The following ABCA13 variants were observed in gnomAD, a reference collection of about 807,000 sequenced individuals.
ABCA13 encodes the protein ATP-binding cassette sub-family A member 13.
Under a neutral mutation model 478.7 loss-of-function variants are expected in ABCA13, and 476 were observed. That is an observed-to-expected ratio of 0.99 (90% CI 0.92 to 1.07). The LOEUF is 1.07. ABCA13 is among the 50% of genes least tolerant of loss of function. The pLI, the probability that ABCA13 is intolerant of heterozygous loss-of-function variation, is 0.00. For missense variants in ABCA13, 6,060 were observed against 5,910.6 expected, an observed-to-expected ratio of 1.03 and a Z score of -0.83; for synonymous variants, 2,252 against 2,158.9, an observed-to-expected ratio of 1.04 and a Z score of -1.20.
chr7:48,403,742 G>C lies in ABCA13; in HGVS notation c.11933G>C (p.Gly3978Ala), dbSNP rs1229526752. ...CACAAACAGACCCGAGCTCTGTCTG[G>C]AGGCCTGAAGAGGAAGCTCTCCCTT... ...HQHKQTRALS[G>A]GLKRKLSLGI... Residue 3978 changes from glycine to alanine, a missense_variant, in exon 39 of 62, where the codon GGA (glycine) becomes GCA (alanine). Gly to Ala is a moderately conservative substitution (Grantham distance 60). Around this residue, in one of 3 missense-constraint regions of ABCA13, gnomAD observed 1,627 missense variants for 1,571.0 expected, o/e 1.04. Coordinates refer to ENST00000435803, the MANE Select transcript of ABCA13 (RefSeq NM_152701.5). 1 of 1,613,970 alleles carries C rather than the reference G, an allele frequency of 6.2e-7. No homozygotes were observed. The highest frequency in any genetic ancestry group is 8.5e-7 in the Non-Finnish European group (1 of 1,179,876).
At chr7:48,594,672 T>C in intron 57 of ABCA13, 38 bp from the exon 58 acceptor site, 1 of 1,582,214 alleles carries the variant, frequency 6.3e-7, no homozygotes, top group Non-Finnish European at 8.7e-7. Context: ...TATTTGTGTT[T>C]TTCAAATGCT....
intron 27 of ABCA13, 72 bp from the exon 28 acceptor site, chr7:48,335,350 G>A: frequency 1.7e-6 from 2 of 1,163,036 alleles, no homozygotes; most frequent in East Asian, 5.0e-5. Flanking sequence ...ATCATATACA[G>A]TCCTTGTTGG....
At chr7:48,630,884 GATT>G (rs1200681812) in intron 59 of ABCA13, among the ~76,000 whole-genome samples, 2 of 150,940 alleles carry the variant, frequency 1.3e-5, no homozygotes, top group Non-Finnish European at 2.9e-5. Flanking sequence ...CTGTGGGTTT[GATT>G]TGCACTTCTC....
At chr7:48,578,279 C>G (rs1302837020) in intron 55 of ABCA13, among the ~76,000 whole-genome samples, 1 of 152,090 alleles carries the variant, frequency 6.6e-6, no homozygotes, top group Non-Finnish European at 1.5e-5. Flanking sequence ...ATAAATAAAA[C>G]TGTTATTGCT....
At chr7:48,533,289 A>G (rs140298698) in intron 55 of ABCA13, among the ~76,000 whole-genome samples, 1 of 152,080 alleles carries the variant, frequency 6.6e-6, no homozygotes, top group African/African-American at 2.4e-5. Context: ...TTTAATTTCT[A>G]TGTATTTGCA....
chr7:48,532,192 A>T (rs1486576159), intron 55 of ABCA13, among the ~76,000 whole-genome samples: 4 of 151,908 alleles, frequency 2.6e-5, no homozygotes, highest in Non-Finnish European at 5.9e-5. Context: ...TATTTTGCTG[A>T]GGGTTTTAAT....
intron 15 of ABCA13, among the ~76,000 whole-genome samples, chr7:48,262,855 G>T (rs1302582012): frequency 2.0e-5 from 3 of 151,934 alleles, no homozygotes; most frequent in African/African-American, 7.2e-5. Flanking sequence ...TCAAATACTT[G>T]CTTGATATAG....
At chr7:48,240,555 T>C (rs1208430061) in intron 9 of ABCA13, among the ~76,000 whole-genome samples, 1 of 152,180 alleles carries the variant, frequency 6.6e-6, no homozygotes, top group Non-Finnish European at 1.5e-5. Flanking sequence ...AATATGTTCG[T>C]TTAGGTTTTA....
intron 55 of ABCA13, among the ~76,000 whole-genome samples, chr7:48,530,533 A>G (rs1833160846): frequency 6.6e-6 from 1 of 152,128 alleles, no homozygotes. Flanking sequence ...ATCAAATGGT[A>G]GACCTACTTT....
intron 43 of ABCA13, among the ~76,000 whole-genome samples, chr7:48,463,557 C>T (rs931211930): frequency 2.0e-5 from 3 of 152,174 alleles, no homozygotes; most frequent in African/African-American, 4.8e-5. Flanking sequence ...ATGCTCTGCT[C>T]CTGTTCTTCA....
chr7:48,464,794 C>T (rs1406356586), intron 43 of ABCA13, among the ~76,000 whole-genome samples: 4 of 152,138 alleles, frequency 2.6e-5, no homozygotes, highest in African/African-American at 9.7e-5. Context: ...AGCATTGTGC[C>T]CTTTCCTCAA....
chr7:48,227,949 A>T (rs1412462011), intron 6 of ABCA13, among the ~76,000 whole-genome samples: 1 of 152,178 alleles, frequency 6.6e-6, no homozygotes, highest in Non-Finnish European at 1.5e-5. Context: ...TTGGTCTCCT[A>T]TGCTGGATTT....
Position 48,278,939 on chromosome 7 carries a change from T to C in ABCA13, c.7745T>C (p.Phe2582Ser). 1 of 1,613,452 alleles carries C rather than the reference T, an allele frequency of 6.2e-7. No individual in the cohort carries two copies. Residue 2582 changes from phenylalanine (F) to serine (S), a missense_variant, in exon 18 of 62, where the codon TTC (phenylalanine) becomes TCC (serine). This residue lies in a region of ABCA13 where 4,423 missense variants were observed against 4,309.1 expected (regional missense o/e 1.03). Transcript: ENST00000435803. ...GCTACTTTAAAAAAAATAGATCATT[T>C]CACATTTGAAAAGATAAATGATTTG... ...EIATLKKIDHFTFEKINDLLV... is the reference protein window; with the variant it reads ...EIATLKKIDHSTFEKINDLLV...
intron 48 of ABCA13, among the ~76,000 whole-genome samples, chr7:48,505,832 A>G (rs79812626): frequency 0.028 from 4,212 of 152,306 alleles, 79 homozygotes; most frequent in East Asian, 0.081. Flanking sequence ...CATCACACAC[A>G]TGCGCAAGCC....
chr7:48,344,419 G>A (rs1296251681), intron 29 of ABCA13, among the ~76,000 whole-genome samples: 1 of 152,222 alleles, frequency 6.6e-6, no homozygotes, highest in Non-Finnish European at 1.5e-5. Context: ...CCTCTGGTCT[G>A]TTTTGGCTGA....
chr7:48,465,748 A>G (rs1245657156), intron 43 of ABCA13, among the ~76,000 whole-genome samples: 1 of 152,084 alleles, frequency 6.6e-6, no homozygotes, highest in East Asian at 1.9e-4. Context: ...GTTGTTAACT[A>G]CAGTCACCCT....
At chr7:48,332,351 A>G (rs1321421674) in intron 27 of ABCA13, among the ~76,000 whole-genome samples, 3 of 152,240 alleles carry the variant, frequency 2.0e-5, no homozygotes, top group African/African-American at 7.2e-5. Flanking sequence ...GTCTGGCTCT[A>G]GATATTACAA....
At chr7:48,575,514 A>G (rs1788080940) in intron 55 of ABCA13, among the ~76,000 whole-genome samples, 1 of 152,210 alleles carries the variant, frequency 6.6e-6, no homozygotes. Flanking sequence ...ACAGAATTAA[A>G]AGTGCGGAAT....
intron 55 of ABCA13, among the ~76,000 whole-genome samples, chr7:48,562,114 G>C (rs1023859887): frequency 3.0e-4 from 26 of 87,608 alleles, no homozygotes; most frequent in African/African-American, 1.7e-3. Flanking sequence ...TGGGGGGGGA[G>C]GTGGATACAA....
Sources: allele counts gnomAD v4.1 joint callset (sites outside exome capture counted in the v4.1 genomes callset), GRCh38; gene constraint gnomAD v4.1.1; regional missense constraint gnomAD v4.1.1; transcripts MANE v1.5; gene names NCBI Gene and HGNC (gene_info 2026-07-23, HGNC 2026-07-21).